Variants in CPNE8 observed in about 807,000 individuals in gnomAD.
CPNE8 encodes copine-8.
Under a neutral mutation model 81.5 loss-of-function variants are expected in CPNE8, and 45 were observed. The observed-to-expected ratio is 0.55, with a 90% CI of 0.44 to 0.71. The LOEUF (loss-of-function observed/expected upper bound fraction) is 0.71, where lower values mean the gene tolerates loss of function less well. Among genes scored for constraint, CPNE8 ranks in the 30% least tolerant of loss-of-function variants. CPNE8 has a pLI of 0.00. For synonymous variants in CPNE8, 252 were observed against 226.3 expected (o/e 1.11, Z -1.02); for missense variants, 594 against 672.1 (o/e 0.88, Z 1.28).
chr12:38,882,918 C>G (rs1019327024), intron 1 of CPNE8, among the ~76,000 whole-genome samples: 2 of 152,298 alleles, frequency 1.3e-5, no homozygotes, highest in African/African-American at 4.8e-5. Context: ...CTCACCAACC[C>G]CTTTCCTGCT....
chr12:38,699,649 G>A (rs76519605), intron 14 of CPNE8, among the ~76,000 whole-genome samples: 7,758 of 151,180 alleles, frequency 0.051, 452 homozygotes, highest in East Asian at 0.32. Flanking sequence ...GCCGAACCAC[G>A]GTCTATTTCA....
chr12:38,763,030 T>C (rs1211939301), intron 8 of CPNE8, among the ~76,000 whole-genome samples: 1 of 152,160 alleles, frequency 6.6e-6, no homozygotes, highest in East Asian at 1.9e-4. Flanking sequence ...AACTAATTTT[T>C]GTATTTTTAG....
chr12:38,807,519 T>C (rs1942837600), intron 6 of CPNE8, among the ~76,000 whole-genome samples: 1 of 150,484 alleles, frequency 6.6e-6, no homozygotes, highest in African/African-American at 2.4e-5. Flanking sequence ...CCCTATTTAA[T>C]AAATTGTGCT....
intron 7 of CPNE8, among the ~76,000 whole-genome samples, chr12:38,769,652 A>T (rs1249307135): frequency 6.6e-6 from 1 of 152,250 alleles, no homozygotes; most frequent in East Asian, 1.9e-4. Context: ...AAGCACCTGG[A>T]CCAAAATATA....
In CPNE8 at chr12:38,652,887, G is replaced by A. The variant is rs1938729181; in HGVS notation, c.*995C>T. The A allele has an allele frequency of 6.6e-6, 1 of 152,586 alleles. No individual in the cohort carries two copies. The highest frequency in any genetic ancestry group is 2.1e-4 in the South Asian group (1 of 4,836). 9.5% of individuals were successfully genotyped at this position (152,586 alleles called of 1,614,324 possible). A position where few individuals can be genotyped will look rare whatever the true frequency, so the allele number is the denominator to read the frequency against. On this transcript the variant is annotated 3_prime_UTR_variant, in exon 20 of 20. Coordinates refer to ENST00000331366, the MANE Select transcript of CPNE8 (RefSeq NM_153634.3). ...CTGGGAATTTCACAAAAGACTTCCA[G>A]CCTGTGCACCTTGTGTGGCAACGTG...
chr12:38,657,628 G>T (rs1230369772), intron 19 of CPNE8, among the ~76,000 whole-genome samples: 1 of 152,172 alleles, frequency 6.6e-6, no homozygotes, highest in African/African-American at 2.4e-5. Flanking sequence ...CCCAGTAGGG[G>T]CCGATAGACA....
intron 1 of CPNE8, among the ~76,000 whole-genome samples, chr12:38,897,684 T>C (rs1440356849): frequency 6.6e-6 from 1 of 151,234 alleles, no homozygotes; most frequent in Non-Finnish European, 1.5e-5. Flanking sequence ...TGTGTGTATA[T>C]ATTAATATAC....
chr12:38,668,889 A>C (rs753419973), intron 19 of CPNE8, among the ~76,000 whole-genome samples: 15 of 152,016 alleles, frequency 9.9e-5, no homozygotes, highest in Non-Finnish European at 1.3e-4. Flanking sequence ...CTCTACTAAA[A>C]AAATACAAAA....
At chr12:38,760,453 G>A (rs59374360) in intron 10 of CPNE8, among the ~76,000 whole-genome samples, 100,095 of 125,106 alleles carry the variant, frequency 0.8, 38,341 homozygotes, top group Non-Finnish European at 0.87. Flanking sequence ...ATATATATAT[G>A]TGTGTGTATA....
chr12:38,906,116 TC>T (rs2137179798), upstream of CPNE8: 1 of 985,844 alleles, frequency 1.0e-6, no homozygotes, highest in South Asian at 4.7e-5. Context: ...CGTTATAAGG[TC>T]CCCCTCCCCA....
At chr12:38,685,838 C>A (rs1378059878) in intron 15 of CPNE8, 7 of 334,838 alleles carry the variant, frequency 2.1e-5, no homozygotes, top group Non-Finnish European at 3.8e-5. Context: ...AATGTACAAT[C>A]ATTAAAAATC....
At chr12:38,706,170 G>T (rs1013807057) in intron 13 of CPNE8, among the ~76,000 whole-genome samples, 5 of 151,934 alleles carry the variant, frequency 3.3e-5, no homozygotes, top group Non-Finnish European at 5.9e-5. Context: ...GGCTATAATA[G>T]GCACACAATA....
intron 1 of CPNE8, among the ~76,000 whole-genome samples, chr12:38,887,027 C>T (rs1315234030): frequency 6.6e-6 from 1 of 152,100 alleles, no homozygotes; most frequent in Non-Finnish European, 1.5e-5. Flanking sequence ...CCACATAGAA[C>T]CACAAAGATC....
intron 15 of CPNE8, among the ~76,000 whole-genome samples, 155 bp downstream of exon 15, chr12:38,693,502 C>T (rs1053129899): frequency 3.3e-5 from 5 of 152,006 alleles, no homozygotes; most frequent in South Asian, 2.1e-4. Context: ...CCTTTTTTCC[C>T]ATTAAGTTCA....
At chr12:38,810,093 G>C (rs1205809020) in intron 6 of CPNE8, among the ~76,000 whole-genome samples, 2 of 152,114 alleles carry the variant, frequency 1.3e-5, no homozygotes, top group Non-Finnish European at 2.9e-5. Context: ...CCTGTTTCCT[G>C]CCAGAAGAAG....
intron 14 of CPNE8, among the ~76,000 whole-genome samples, chr12:38,694,442 C>G (rs1939749974): frequency 6.6e-6 from 1 of 152,132 alleles, no homozygotes; most frequent in South Asian, 2.1e-4. Context: ...GTATGGCAGC[C>G]TCTGTAAAAT....
At chr12:38,706,938 C>G (rs1380264375) in intron 13 of CPNE8, among the ~76,000 whole-genome samples, 1 of 152,166 alleles carries the variant, frequency 6.6e-6, no homozygotes, top group Non-Finnish European at 1.5e-5. Flanking sequence ...AACGTCCTCT[C>G]AAAGACAAAG....
chr12:38,823,403 G>A (rs10506128), intron 6 of CPNE8, among the ~76,000 whole-genome samples: 4,892 of 152,192 alleles, frequency 0.032, 256 homozygotes, highest in East Asian at 0.19. Context: ...CTCTTCACCT[G>A]TTAGGACACA....
chr12:38,678,866 T>C (rs1939348674), intron 16 of CPNE8, among the ~76,000 whole-genome samples: 1 of 151,820 alleles, frequency 6.6e-6, no homozygotes, highest in Non-Finnish European at 1.5e-5. Flanking sequence ...ATCCCCATAA[T>C]ACTGAACAAT....
Sources: gnomAD v4.1 joint callset for allele counts (sites outside exome capture counted in the v4.1 genomes callset) on GRCh38, gnomAD v4.1.1 for gene constraint, MANE v1.5 for transcripts, NCBI Gene and HGNC (gene_info 2026-07-23, HGNC 2026-07-21) for gene names.